Variants in L3MBTL4 observed in about 807,000 individuals in gnomAD.
L3MBTL4 encodes the protein lethal(3)malignant brain tumor-like protein 4.
L3MBTL4 carries 70 observed loss-of-function variants against 84.5 expected under a neutral mutation model. The observed-to-expected ratio is 0.83, with a 90% CI of 0.68 to 1.01. The LOEUF (loss-of-function observed/expected upper bound fraction) is 1.01. Ranked by LOEUF, L3MBTL4 falls within the 50% of genes least tolerant of loss-of-function variation. The pLI, the probability that L3MBTL4 is intolerant of heterozygous loss-of-function variation, is 0.00. For synonymous variants in L3MBTL4, 274 were observed against 259.8 expected (o/e 1.05, Z -0.52); for missense variants, 715 against 754.8 (o/e 0.95, Z 0.62).
chr18:6,031,307 T>A (rs1331442469), intron 16 of L3MBTL4: 1 of 985,286 alleles, frequency 1.0e-6, no homozygotes, highest in Non-Finnish European at 1.2e-6. Flanking sequence ...TCCTGGGCAT[T>A]TGGGTTATAG....
chr18:6,310,215 T>C (rs978651539), intron 3 of L3MBTL4, among the ~76,000 whole-genome samples: 1 of 152,182 alleles, frequency 6.6e-6, no homozygotes, highest in African/African-American at 2.4e-5. Context: ...AATGACATCT[T>C]CACCTAAGCC....
At chr18:6,364,232 T>G (rs1296248567) in intron 1 of L3MBTL4, among the ~76,000 whole-genome samples, 1 of 152,202 alleles carries the variant, frequency 6.6e-6, no homozygotes, top group Non-Finnish European at 1.5e-5. Context: ...AGTCACTAAA[T>G]ATTTTTGTTT....
rs907429897 is a variant in L3MBTL4 at position 6,187,932 on chromosome 18, C to A, written c.982-15990G>T. Among the ~76,000 whole-genome samples, 17 of 149,790 alleles carry A rather than the reference C, an allele frequency of 1.1e-4. No homozygotes were observed. The South Asian group carries it at 3.6e-3, about 31-fold the overall frequency. ...TGTGTGTAGTGAGAGCTAAACATAA[C>A]CTAAATTAAAATAATCAAAGATCTA... On this transcript the variant is annotated intron_variant, in intron 12 of 18. Coordinates refer to ENST00000317931, the MANE Select transcript of L3MBTL4 (RefSeq NM_001330559.2).
intron 16 of L3MBTL4, chr18:6,031,636 G>A (rs187503957): frequency 6.2e-6 from 6 of 961,386 alleles, no homozygotes; most frequent in East Asian, 1.2e-4. Flanking sequence ...TGGCTGGGAT[G>A]ACCAGGGCAG....
At chr18:6,120,878 T>C (rs1046286764) in intron 14 of L3MBTL4, among the ~76,000 whole-genome samples, 1 of 152,150 alleles carries the variant, frequency 6.6e-6, no homozygotes, top group African/African-American at 2.4e-5. Context: ...TTGATGGGTG[T>C]TTGGGTAGAT....
In L3MBTL4 at chr18:6,093,506, C is replaced by T; in HGVS notation, c.1222G>A (p.Asp408Asn). The T allele has an allele frequency of 1.9e-6, 3 of 1,613,352 alleles. No individual in the cohort carries two copies. Reference sequence around the variant, plus strand: ...GTTGCCTCCTTTTTCAAGTTCATGTCTGAATACGGGCAGCCAAAAGCACTG... The same window carrying T: ...GTTGCCTCCTTTTTCAAGTTCATGTTTGAATACGGGCAGCCAAAAGCACTG... ...HHSAFGCPYS[D>N]MNLKKEATLH... Residue 408 changes from aspartate (D) to asparagine (N), a missense_variant, in exon 15 of 19, where the codon GAC becomes AAC. Physicochemically the swap from Asp to Asn is conservative, Grantham distance 23 (BLOSUM62 1). Transcript: ENST00000317931.
At chr18:6,113,148 A>G (rs1383246147) in intron 14 of L3MBTL4, among the ~76,000 whole-genome samples, 1 of 152,184 alleles carries the variant, frequency 6.6e-6, no homozygotes, top group Non-Finnish European at 1.5e-5. Context: ...TTCAGGGATG[A>G]TAACATTATA....
At chr18:6,110,636 CAT>C (rs1052464648) in intron 14 of L3MBTL4, among the ~76,000 whole-genome samples, 2 of 150,802 alleles carry the variant, frequency 1.3e-5, no homozygotes, top group Non-Finnish European at 3.0e-5. Flanking sequence ...TGTGGGTGCA[CAT>C]GTGTATGTGT....
chr18:6,196,090 G>C (rs1036642946), intron 12 of L3MBTL4, among the ~76,000 whole-genome samples: 2 of 150,744 alleles, frequency 1.3e-5, no homozygotes, highest in Non-Finnish European at 2.9e-5. Flanking sequence ...ATCACCAACA[G>C]CTCCACTGAT....
At chr18:6,010,131 T>C (rs558343467) in intron 16 of L3MBTL4, among the ~76,000 whole-genome samples, 1 of 151,060 alleles carries the variant, frequency 6.6e-6, no homozygotes. Context: ...AGGTGCGAAG[T>C]GTTTTTTTTT....
intron 1 of L3MBTL4, among the ~76,000 whole-genome samples, chr18:6,376,465 A>T (rs956295038): frequency 5.3e-5 from 8 of 152,236 alleles, no homozygotes; most frequent in African/African-American, 1.9e-4. Flanking sequence ...CCAGCTGCGC[A>T]CAGTGGCTCA....
intron 14 of L3MBTL4, among the ~76,000 whole-genome samples, chr18:6,095,036 A>T (rs1325328753): frequency 6.6e-6 from 1 of 152,226 alleles, no homozygotes; most frequent in Non-Finnish European, 1.5e-5. Flanking sequence ...ACTATAGAGA[A>T]TATAAATTCA....
At chr18:6,387,770 G>A (rs2054883605) in intron 1 of L3MBTL4, among the ~76,000 whole-genome samples, 1 of 152,220 alleles carries the variant, frequency 6.6e-6, no homozygotes, top group African/African-American at 2.4e-5. Flanking sequence ...AAGAAGGGCT[G>A]CAAAGCCCCT....
chr18:6,263,008 T>C (rs777718134), intron 5 of L3MBTL4, among the ~76,000 whole-genome samples: 28 of 152,178 alleles, frequency 1.8e-4, no homozygotes, highest in Admixed American at 3.9e-4. Context: ...GCACGGCGGC[T>C]TACGCCTGTA....
chr18:6,409,929 T>C (rs2055895506), intron 1 of L3MBTL4, among the ~76,000 whole-genome samples: 1 of 152,160 alleles, frequency 6.6e-6, no homozygotes, highest in African/African-American at 2.4e-5. Flanking sequence ...ATTCTTCCAA[T>C]TCGCCTACCC....
intron 17 of L3MBTL4, among the ~76,000 whole-genome samples, chr18:5,963,313 A>T (rs894368534): frequency 2.0e-5 from 3 of 152,266 alleles, no homozygotes; most frequent in Non-Finnish European, 4.4e-5. Flanking sequence ...AAACAAAAAA[A>T]GGACCACAGT....
At chr18:6,146,659 T>C (rs2042667129) in intron 13 of L3MBTL4, among the ~76,000 whole-genome samples, 4 of 152,244 alleles carry the variant, frequency 2.6e-5, no homozygotes, top group African/African-American at 7.2e-5. Flanking sequence ...AAGAAGTTTT[T>C]ATATAAAAGG....
At chr18:6,270,088 A>G (rs962690254) in intron 4 of L3MBTL4, among the ~76,000 whole-genome samples, 12 of 152,220 alleles carry the variant, frequency 7.9e-5, no homozygotes, top group African/African-American at 2.7e-4. Flanking sequence ...TGTGAGAAAC[A>G]ACTGTCAGTG....
intron 16 of L3MBTL4, among the ~76,000 whole-genome samples, chr18:6,060,177 G>A (rs2145878315): frequency 6.6e-6 from 1 of 152,194 alleles, no homozygotes; most frequent in East Asian, 1.9e-4. Context: ...TATGCCATCA[G>A]TTTCTTTTTC....
Sources: allele counts gnomAD v4.1 joint callset (sites outside exome capture counted in the v4.1 genomes callset), GRCh38; gene constraint gnomAD v4.1.1; transcripts MANE v1.5; gene names NCBI Gene and HGNC (gene_info 2026-07-23, HGNC 2026-07-21).